The following ERG variants were observed in gnomAD, a reference collection of about 807,000 sequenced individuals.
The protein encoded by ERG is ETS transcription factor ERG.
In ERG, 9 loss-of-function variants were observed where a neutral mutation model predicts 55.3. The observed-to-expected ratio is 0.16, with a 90% confidence interval of 0.10 to 0.28. ERG has a LOEUF of 0.28. Ranked by LOEUF, ERG falls within the 10% of genes least tolerant of loss-of-function variation. ERG has a pLI of 1.00. For synonymous variants in ERG, 223 were observed against 237.3 expected, an observed-to-expected ratio of 0.94 and a Z score of 0.55; for missense variants, 434 against 631.6, an observed-to-expected ratio of 0.69 and a Z score of 3.35.
At chr21:38,388,959 C>T (rs957177439) in intron 9 of ERG, among the ~76,000 whole-genome samples, 1 of 152,204 alleles carries the variant, frequency 6.6e-6, no homozygotes, top group Non-Finnish European at 1.5e-5. Flanking sequence ...GCTGTGACAA[C>T]GTGGTCATGG....
intron 1 of ERG, among the ~76,000 whole-genome samples, chr21:38,656,372 A>G (rs1276924496): frequency 6.6e-6 from 1 of 152,220 alleles, no homozygotes; most frequent in African/African-American, 2.4e-5. Flanking sequence ...GCAATAGGTA[A>G]GTAACAGATT....
chr21:38,425,762 C>T (rs541071182), intron 2 of ERG, among the ~76,000 whole-genome samples: 1 of 152,190 alleles, frequency 6.6e-6, no homozygotes, highest in African/African-American at 2.4e-5. Flanking sequence ...CTGCAGAGAA[C>T]TTGGACAATC....
chr21:38,542,143 C>T (rs991250948), intron 2 of ERG, among the ~76,000 whole-genome samples: 3 of 152,000 alleles, frequency 2.0e-5, no homozygotes, highest in African/African-American at 7.2e-5. Context: ...TGCCACCATG[C>T]CCAGCTAATT....
upstream of ERG, among the ~76,000 whole-genome samples, chr21:38,589,476 G>A (rs2060086927): frequency 1.3e-5 from 2 of 152,194 alleles, no homozygotes; most frequent in African/African-American, 4.8e-5. Context: ...AGGATGACCA[G>A]CCCCAACACC....
At chr21:38,374,299 G>C in the ERG span, among the ~76,000 whole-genome samples, 3 of 152,220 alleles carry the variant, frequency 2.0e-5, no homozygotes, top group Admixed American at 1.3e-4. Context: ...GCTGCTTACA[G>C]ACTCCCTGGA....
chr21:38,397,618 A>T (rs1055396734), intron 6 of ERG, among the ~76,000 whole-genome samples: 3 of 143,364 alleles, frequency 2.1e-5, no homozygotes, highest in African/African-American at 7.6e-5. Flanking sequence ...AAAAAAAAAA[A>T]GAAGAGAAAA....
chr21:38,470,511 T>G (rs1184635020), intron 1 of ERG, among the ~76,000 whole-genome samples: 1 of 152,216 alleles, frequency 6.6e-6, no homozygotes, highest in Non-Finnish European at 1.5e-5. Flanking sequence ...TGCTGCTTTT[T>G]CTGTCATAAT....
intron 2 of ERG, among the ~76,000 whole-genome samples, chr21:38,550,878 G>A (rs1464536921): frequency 6.6e-6 from 1 of 152,216 alleles, no homozygotes; most frequent in South Asian, 2.1e-4. Flanking sequence ...AAGGGTAGCA[G>A]TCAGGAATTG....
At chr21:38,632,378 T>C (rs998845465) in intron 1 of ERG, among the ~76,000 whole-genome samples, 5 of 152,082 alleles carry the variant, frequency 3.3e-5, no homozygotes, top group African/African-American at 1.2e-4. Context: ...AAAACAAGTG[T>C]TGGTCAGGAT....
chr21:38,550,407 C>T (rs943933136), intron 2 of ERG, among the ~76,000 whole-genome samples: 1 of 152,164 alleles, frequency 6.6e-6, no homozygotes, highest in Non-Finnish European at 1.5e-5. Flanking sequence ...AATCCTTACC[C>T]CCAAGGTAGC....
intron 1 of ERG, among the ~76,000 whole-genome samples, chr21:38,484,495 C>T (rs2059265993): frequency 6.6e-6 from 1 of 152,160 alleles, no homozygotes; most frequent in African/African-American, 2.4e-5. Context: ...AATGAACGTC[C>T]TTCATTTCTC....
intron 6 of ERG, among the ~76,000 whole-genome samples, chr21:38,394,307 G>A (rs1988106096): frequency 6.6e-6 from 1 of 152,016 alleles, no homozygotes; most frequent in South Asian, 2.1e-4. Flanking sequence ...TAGAAATGCA[G>A]AATCTTACCC....
intron 1 of ERG, among the ~76,000 whole-genome samples, chr21:38,659,607 A>T (rs1048609936): frequency 6.6e-6 from 1 of 152,258 alleles, no homozygotes; most frequent in East Asian, 1.9e-4. Flanking sequence ...TTTTACTCAC[A>T]TTGAAAGTTT....
chr21:38,445,267 G>T, intron 2 of ERG, 137 bp downstream of exon 2: 1 of 672,708 alleles, frequency 1.5e-6, no homozygotes. Context: ...TCAGGCTCCC[G>T]AGTAGCTGGG....
intron 1 of ERG, among the ~76,000 whole-genome samples, chr21:38,590,568 T>C (rs1249677103): frequency 6.7e-6 from 1 of 150,326 alleles, no homozygotes; most frequent in Non-Finnish European, 1.5e-5. Context: ...ATACAATTGT[T>C]CATCCATCCA....
chr21:38,419,530 C>CAT (rs3838106), intron 3 of ERG, among the ~76,000 whole-genome samples: 1 of 151,644 alleles, frequency 6.6e-6, no homozygotes, highest in African/African-American at 2.4e-5. Flanking sequence ...CACACACACA[C>CAT]GTGCGTGTAA....
Position 38,600,337 on chromosome 21 carries a change from T to C in ERG, c.-149-15392A>G, listed in dbSNP as rs1220259568. On this transcript the variant is annotated intron_variant, in intron 1 of 10. Coordinates refer to the ERG transcript ENST00000398910. ...AGTAGCTGGGAGAAATGTCCAGCTC[T>C]ACGTAGATTTCTGTAGCTGGGGTCC... Among the ~76,000 whole-genome samples the C allele has an allele frequency of 2.0e-5, 3 of 152,210 alleles. No homozygotes were observed. In the East Asian group the frequency reaches 5.8e-4, roughly 29 times the overall value.
intron 1 of ERG, among the ~76,000 whole-genome samples, chr21:38,646,709 C>T (rs1057244264): frequency 3.3e-5 from 5 of 152,158 alleles, no homozygotes; most frequent in South Asian, 2.1e-4. Flanking sequence ...ATGTTCATAC[C>T]GGCCCAGTTT....
chr21:38,612,474 T>C (rs2060233479), intron 1 of ERG, among the ~76,000 whole-genome samples: 1 of 152,114 alleles, frequency 6.6e-6, no homozygotes, highest in Non-Finnish European at 1.5e-5. Context: ...TTATGTGTGA[T>C]CAACAAATTT....
Sources: gnomAD v4.1 joint callset for allele counts (sites outside exome capture counted in the v4.1 genomes callset) on GRCh38, gnomAD v4.1.1 for gene constraint, MANE v1.5 for transcripts, NCBI Gene and HGNC (gene_info 2026-07-23, HGNC 2026-07-21) for gene names.